Variants in EAPP observed in about 807,000 individuals in gnomAD.
EAPP encodes the protein E2F-associated phosphoprotein.
EAPP carries 38 observed loss-of-function variants against 34.3 expected under a neutral mutation model. That is an observed-to-expected ratio of 1.11 (90% CI 0.85 to 1.45). The LOEUF (loss-of-function observed/expected upper bound fraction) is 1.45, where lower values mean the gene tolerates loss of function less well. EAPP is among the 40% of genes most tolerant of loss of function. EAPP has a pLI of 0.00. For synonymous variants in EAPP, 113 were observed against 117.6 expected, an observed-to-expected ratio of 0.96 and a Z score of 0.25; for missense variants, 338 against 343.7, an observed-to-expected ratio of 0.98 and a Z score of 0.13.
intron 4 of EAPP, among the ~76,000 whole-genome samples, chr14:34,525,720 TTAA>T (rs1409908925): frequency 6.6e-6 from 1 of 152,116 alleles, no homozygotes; most frequent in Non-Finnish European, 1.5e-5. Context: ...TGGACTTTGA[TTAA>T]TAATAATGTA....
intron 2 of EAPP, among the ~76,000 whole-genome samples, chr14:34,534,942 C>A (rs756478915): frequency 6.6e-5 from 10 of 151,768 alleles, no homozygotes; most frequent in Non-Finnish European, 1.3e-4. Flanking sequence ...CGGGTTTAAG[C>A]GATTCTCCTG....
chr14:34,529,048 A>T (rs1880189788), intron 4 of EAPP, among the ~76,000 whole-genome samples: 1 of 152,022 alleles, frequency 6.6e-6, no homozygotes, highest in South Asian at 2.1e-4. Context: ...AGGCAGGAGA[A>T]TCTCTTGAAC....
At chr14:34,527,060 C>T (rs1639201443) in intron 4 of EAPP, among the ~76,000 whole-genome samples, 1 of 151,276 alleles carries the variant, frequency 6.6e-6, no homozygotes, top group African/African-American at 2.4e-5. Context: ...ATCCCAGCTA[C>T]TCAGGAGGCT....
At position 34,533,396 on chromosome 14, in the gene EAPP, C is replaced by A. The variant is rs76593361; in HGVS notation, c.352+48G>T. 35 of 1,467,638 alleles carry A rather than the reference C, an allele frequency of 2.4e-5. 1 individual carries two copies. In the East Asian group the frequency reaches 4.1e-4, roughly 17 times the overall value. The allele number at this position is 1,467,638 out of a possible 1,614,324, so 90.9% of individuals were successfully genotyped here. On this transcript the variant is annotated intron_variant, in intron 3 of 5. Coordinates refer to ENST00000250454, the MANE Select transcript of EAPP (RefSeq NM_018453.4). ...TAACATCTAATAATTGTTAGGTAAA[C>A]CTTTTTTATAAAATATAACTGCTAA... is the stretch of plus-strand genomic sequence containing the variant.
intron 3 of EAPP, among the ~76,000 whole-genome samples, chr14:34,532,800 G>C (rs765389208): frequency 1.3e-5 from 2 of 150,320 alleles, no homozygotes; most frequent in Non-Finnish European, 3.0e-5. Context: ...TCATCCTCCT[G>C]AGTAGCCGGG....
At chr14:34,520,839 G>C (rs1360294726) in intron 5 of EAPP, among the ~76,000 whole-genome samples, 1 of 150,796 alleles carries the variant, frequency 6.6e-6, no homozygotes, top group African/African-American at 2.4e-5. Flanking sequence ...CTCCTGATCT[G>C]TATGCTTTCC....
At chr14:34,527,387 C>G (rs753210355) in intron 4 of EAPP, among the ~76,000 whole-genome samples, 5 of 151,752 alleles carry the variant, frequency 3.3e-5, no homozygotes, top group Non-Finnish European at 7.4e-5. Flanking sequence ...TGCTTGAACC[C>G]GGGAGGCGGT....
intron 2 of EAPP, among the ~76,000 whole-genome samples, chr14:34,534,840 A>AT (rs373663033): frequency 8.2e-4 from 115 of 141,034 alleles, no homozygotes; most frequent in African/African-American, 2.3e-3. Context: ...GTCTCCACAA[A>AT]TTTTTTTTTT....
chr14:34,524,785 T>C lies in EAPP; in HGVS notation c.493A>G (p.Arg165Gly). The change falls in exon 5 of 6, where the codon AGA (arginine) becomes GGA (glycine). Residue 165 changes from arginine (R) to glycine (G), a missense_variant. Arg to Gly is a moderately radical substitution (Grantham distance 125). Transcript: ENST00000250454. Reference protein sequence around the residue: ...RRGYHGLGPQRSRQQQPVPNS... With the variant: ...RRGYHGLGPQGSRQQQPVPNS... ...GGAACAGGCTGTTGTTGACGTGATC[T>C]CTGTGGTCCCAAACCATGGTAACTA... is the stretch of plus-strand genomic sequence containing the variant. The C allele has an allele frequency of 6.2e-7, 1 of 1,613,762 alleles. No individual in the cohort carries two copies. The highest frequency in any genetic ancestry group is 8.5e-7 in the Non-Finnish European group (1 of 1,179,930).
chr14:34,526,345 T>G (rs1460490512), intron 4 of EAPP, among the ~76,000 whole-genome samples: 4 of 151,776 alleles, frequency 2.6e-5, no homozygotes, highest in African/African-American at 9.7e-5. Context: ...AGAGAACTGC[T>G]TGAACCCAGG....
At chr14:34,521,155 G>A (rs147092043) in intron 5 of EAPP, among the ~76,000 whole-genome samples, 2,933 of 151,974 alleles carry the variant, frequency 0.019, 86 homozygotes, top group African/African-American at 0.066. Context: ...TGCAACCTCC[G>A]CCTCCTGGGT....
chr14:34,526,864 C>A (rs1008396860), intron 4 of EAPP, among the ~76,000 whole-genome samples: 1 of 117,200 alleles, frequency 8.5e-6, no homozygotes. Context: ...ACAGCAAGAC[C>A]CTGTCTTTAA....
intron 4 of EAPP, 78 bp downstream of exon 4, chr14:34,529,280 T>G (rs1880199322): frequency 2.7e-6 from 3 of 1,108,756 alleles, no homozygotes; most frequent in Non-Finnish European, 4.0e-6. Flanking sequence ...TACACATATA[T>G]TCAAAATGTG....
chr14:34,524,868 G>A (rs1343772691), intron 4 of EAPP, 61 bp from the exon 5 acceptor site: 4 of 1,331,104 alleles, frequency 3.0e-6, no homozygotes, highest in South Asian at 1.2e-5. Flanking sequence ...GGTTTCTAGT[G>A]TCATTTTCCA....
chr14:34,522,514 ATTAG>A (rs1053318207), intron 5 of EAPP, among the ~76,000 whole-genome samples: 2 of 152,030 alleles, frequency 1.3e-5, no homozygotes, highest in Non-Finnish European at 1.5e-5. Context: ...GTATTGAAGG[ATTAG>A]TTATTTGTTC....
At position 34,534,339 on chromosome 14, in the gene EAPP, G is replaced by A. The variant is rs142495631; in HGVS notation, c.257-800C>T. Reference sequence around the variant, plus strand: ...AGTAGAGACAGGGTTTCACCATGTTGGCCAGGCTGGTCTTGAGCTCCTGAC... The same window carrying A: ...AGTAGAGACAGGGTTTCACCATGTTAGCCAGGCTGGTCTTGAGCTCCTGAC... On this transcript the variant is annotated intron_variant, in intron 2 of 5. Coordinates refer to ENST00000250454, the MANE Select transcript of EAPP (RefSeq NM_018453.4). Among the ~76,000 whole-genome samples the A allele has an allele frequency of 4.9e-3, 748 of 152,144 alleles. 3 individuals carry two copies. Among genetic ancestry groups the A allele is most frequent in the Non-Finnish European group, 8.1e-3 (551 of 68,018 alleles).
In EAPP at chr14:34,524,681, G is replaced by GTGTGTGTGTGTCCTTCA. The variant is rs1555319973; in HGVS notation, c.581+15_581+16insTGAAGGACACACACACA. ...TATGTGTGTGTGTGTGTGTGTGTGT[G>GTGTGTGTGTGTCCTTCA]TCCTTCATCCATTACCTTTGGCAAT... On this transcript the variant is annotated intron_variant, in intron 5 of 5. Coordinates refer to ENST00000250454, the MANE Select transcript of EAPP (RefSeq NM_018453.4). 1 of 1,450,996 alleles carries GTGTGTGTGTGTCCTTCA rather than the reference G, an allele frequency of 6.9e-7. No homozygotes were observed. Among genetic ancestry groups the GTGTGTGTGTGTCCTTCA allele is most frequent in the Non-Finnish European group, 9.7e-7 (1 of 1,031,552 alleles). The allele number at this position is 1,450,996 out of a possible 1,614,324, so 89.9% of individuals were successfully genotyped here. A position where few individuals can be genotyped will look rare whatever the true frequency, so the allele number is the denominator to read the frequency against.
In EAPP at chr14:34,516,402, G is replaced by A. The variant is rs1413112135; in HGVS notation, c.766C>T (p.Pro256Ser). 4 of 1,614,156 alleles carry A rather than the reference G, an allele frequency of 2.5e-6. No homozygotes were observed. The highest frequency in any genetic ancestry group is 1.3e-5 in the African/African-American group (1 of 75,036). ...GTGGAACATTCAGTGCACATGACTGGGTGATAGATTTCTTCCACATCTGTC... is the reference window on the plus strand; with the variant it reads ...GTGGAACATTCAGTGCACATGACTGAGTGATAGATTTCTTCCACATCTGTC... The part of the protein sequence containing the change: ...AETDVEEIYH[P>S]VMCTECSTEV... The change falls in exon 6 of 6, where the codon CCA (proline) becomes TCA (serine). Residue 256 changes from proline (P) to serine (S), a missense_variant. Transcript: ENST00000250454.
At chr14:34,519,848 A>C (rs1319757167) in intron 5 of EAPP, among the ~76,000 whole-genome samples, 1 of 151,756 alleles carries the variant, frequency 6.6e-6, no homozygotes, top group African/African-American at 2.4e-5. Context: ...GAAATCACAA[A>C]AAAAAAACTT....
Sources: gnomAD v4.1 joint callset for allele counts (sites outside exome capture counted in the v4.1 genomes callset) on GRCh38, gnomAD v4.1.1 for gene constraint, MANE v1.5 for transcripts, NCBI Gene and HGNC (gene_info 2026-07-23, HGNC 2026-07-21) for gene names.